FSTL5: variants seen among roughly 807,000 people sequenced by gnomAD.
FSTL5 encodes the protein follistatin-related protein 5.
A neutral mutation model predicts 89.1 loss-of-function variants in FSTL5; 62 were observed. The observed-to-expected ratio is 0.70, with a 90% confidence interval of 0.57 to 0.86. The LOEUF is 0.86. Ranked by LOEUF, FSTL5 falls within the 40% of genes least tolerant of loss-of-function variation. FSTL5 has a pLI of 0.00. For synonymous variants in FSTL5, 383 were observed against 346.2 expected, an observed-to-expected ratio of 1.11 and a Z score of -1.18; for missense variants, 1,057 against 1,001.6, an observed-to-expected ratio of 1.06 and a Z score of -0.75.
chr4:161,908,166 T>C (rs568995486), intron 4 of FSTL5, among the ~76,000 whole-genome samples: 3 of 152,164 alleles, frequency 2.0e-5, no homozygotes, highest in East Asian at 3.9e-4. Context: ...TGGCCATGAA[T>C]TGATTTATCT....
At chr4:162,057,143 G>C (rs964907341) in intron 2 of FSTL5, among the ~76,000 whole-genome samples, 13 of 152,192 alleles carry the variant, frequency 8.5e-5, no homozygotes, top group Admixed American at 8.5e-4. Flanking sequence ...GATTAGCACC[G>C]TGGCTGAAAG....
chr4:161,639,386 G>A (rs1302077698), intron 7 of FSTL5, among the ~76,000 whole-genome samples: 9 of 152,082 alleles, frequency 5.9e-5, no homozygotes, highest in Non-Finnish European at 8.8e-5. Flanking sequence ...CTATGGAACC[G>A]AAAAATTGCT....
chr4:162,132,528 G>C (rs6845591), intron 1 of FSTL5, among the ~76,000 whole-genome samples: 77,622 of 151,780 alleles, frequency 0.51, 20,347 homozygotes, highest in Admixed American at 0.58. Context: ...CACTCACCGC[G>C]AGGGTCCGTG....
intron 4 of FSTL5, among the ~76,000 whole-genome samples, chr4:161,803,142 C>T (rs534807537): frequency 9.3e-4 from 141 of 151,958 alleles, no homozygotes; most frequent in Non-Finnish European, 1.3e-3. Context: ...TGTTTCTGTG[C>T]GTGATACTAA....
At chr4:161,784,895 A>AAAAAAAAAAAAAAAAAAAAAAAAC (rs1553965825) in intron 4 of FSTL5, among the ~76,000 whole-genome samples, 3 of 142,014 alleles carry the variant, frequency 2.1e-5, no homozygotes, top group African/African-American at 7.9e-5. Flanking sequence ...TCCGTCTCAA[A>AAAAAAAAAAAAAAAAAAAAAAAAC]AAAAACAAAA....
chr4:161,825,992 C>T (rs1329290715), intron 4 of FSTL5, among the ~76,000 whole-genome samples: 1 of 151,930 alleles, frequency 6.6e-6, no homozygotes, highest in Non-Finnish European at 1.5e-5. Context: ...TGTGCTTTTT[C>T]AGACTTTTTG....
At chr4:161,511,763 C>T (rs933550542) in intron 10 of FSTL5, among the ~76,000 whole-genome samples, 1 of 151,838 alleles carries the variant, frequency 6.6e-6, no homozygotes, top group Admixed American at 6.6e-5. Flanking sequence ...CAAATAAATA[C>T]AAACATGTAA....
chr4:161,858,059 G>A (rs985591448), intron 4 of FSTL5, among the ~76,000 whole-genome samples: 3 of 152,144 alleles, frequency 2.0e-5, no homozygotes, highest in African/African-American at 7.2e-5. Flanking sequence ...AGTATTAGGA[G>A]GTGGGGCCTT....
chr4:161,459,596 C>G (rs1733489885), intron 13 of FSTL5, among the ~76,000 whole-genome samples: 1 of 152,004 alleles, frequency 6.6e-6, no homozygotes, highest in African/African-American at 2.4e-5. Flanking sequence ...ATCATTTGCA[C>G]AACTGTACAC....
chr4:161,409,111 G>A (rs2110929796), intron 15 of FSTL5, among the ~76,000 whole-genome samples: 1 of 152,218 alleles, frequency 6.6e-6, no homozygotes, highest in South Asian at 2.1e-4. Flanking sequence ...ACATAGCCAT[G>A]AGATTCACCA....
intron 15 of FSTL5, among the ~76,000 whole-genome samples, chr4:161,415,973 C>T (rs188758563): frequency 6.6e-6 from 1 of 151,796 alleles, no homozygotes; most frequent in East Asian, 1.9e-4. Flanking sequence ...TTTAAAATGC[C>T]ATATGGAGAA....
intron 2 of FSTL5, among the ~76,000 whole-genome samples, chr4:162,084,797 T>C (rs549371592): frequency 2.6e-5 from 4 of 152,044 alleles, no homozygotes; most frequent in African/African-American, 7.2e-5. Context: ...AGGGGAGGGA[T>C]AGCATTAGGA....
chr4:161,678,984 CTATG>C (rs1737420899), intron 6 of FSTL5, among the ~76,000 whole-genome samples: 1 of 151,572 alleles, frequency 6.6e-6, no homozygotes, highest in Non-Finnish European at 1.5e-5. Flanking sequence ...GTATTAAACA[CTATG>C]TATGTGCTAG....
chr4:161,527,034 G>A (rs1463856180), intron 10 of FSTL5, among the ~76,000 whole-genome samples: 1 of 152,154 alleles, frequency 6.6e-6, no homozygotes, highest in Non-Finnish European at 1.5e-5. Context: ...ACCTTGGGCA[G>A]TATGGCCATT....
chr4:161,705,154 C>T (rs986626191), intron 6 of FSTL5, among the ~76,000 whole-genome samples: 2 of 151,784 alleles, frequency 1.3e-5, no homozygotes, highest in South Asian at 2.1e-4. Context: ...ACAAGAATAA[C>T]ATCTTATTCA....
At chr4:161,881,311 T>C (rs911664985) in intron 4 of FSTL5, among the ~76,000 whole-genome samples, 1 of 151,702 alleles carries the variant, frequency 6.6e-6, no homozygotes, top group Non-Finnish European at 1.5e-5. Flanking sequence ...CCTTTTTCTT[T>C]TTTGGAGTGG....
At chr4:161,623,413 T>G (rs143170805) in intron 7 of FSTL5, among the ~76,000 whole-genome samples, 3,020 of 152,022 alleles carry the variant, frequency 0.02, 86 homozygotes, top group South Asian at 0.14. Context: ...TTAGATTACA[T>G]AAATTATCCT....
At chr4:162,087,961 T>C (rs1444085022) in intron 2 of FSTL5, among the ~76,000 whole-genome samples, 2 of 152,168 alleles carry the variant, frequency 1.3e-5, no homozygotes, top group African/African-American at 2.4e-5. Context: ...ATACACTTTA[T>C]CACTGTAATG....
chr4:161,502,121 G>A (rs950049814), intron 11 of FSTL5, among the ~76,000 whole-genome samples: 5 of 151,764 alleles, frequency 3.3e-5, no homozygotes, highest in Non-Finnish European at 7.4e-5. Context: ...AATGTGTTTG[G>A]GCCTGACAAC....
Sources: allele counts gnomAD v4.1 joint callset (sites outside exome capture counted in the v4.1 genomes callset), GRCh38; gene constraint gnomAD v4.1.1; transcripts MANE v1.5; gene names NCBI Gene and HGNC (gene_info 2026-07-23, HGNC 2026-07-21).